Variants in PTPRD observed in about 807,000 individuals in gnomAD.
PTPRD encodes protein tyrosine phosphatase receptor type D.
Under a neutral mutation model 214.5 loss-of-function variants are expected in PTPRD, and 34 were observed. The ratio of observed to expected loss-of-function variants is 0.16; its 90% CI spans 0.12 to 0.21. PTPRD has a LOEUF of 0.21. Among genes scored for constraint, PTPRD ranks in the 10% least tolerant of loss-of-function variants. The probability of loss-of-function intolerance (pLI) is 1.00; values close to 1 mark genes in which losing one functional copy is unlikely to be tolerated. For missense variants in PTPRD, 2,545 were observed against 2,398.7 expected, an observed-to-expected ratio of 1.06 and a Z score of -1.27; for synonymous variants, 1,128 against 845.7, an observed-to-expected ratio of 1.33 and a Z score of -5.79.
intron 2 of PTPRD, among the ~76,000 whole-genome samples, chr9:10,472,217 T>C (rs990279299): frequency 2.6e-5 from 4 of 152,114 alleles, no homozygotes; most frequent in Admixed American, 6.6e-5. Flanking sequence ...ATAAAAGCAA[T>C]GTTTGACTTT....
chr9:10,293,978 ACAGATTTT>A (rs1383344309), intron 3 of PTPRD, among the ~76,000 whole-genome samples: 1 of 151,992 alleles, frequency 6.6e-6, no homozygotes, highest in Non-Finnish European at 1.5e-5. Context: ...TAAATGTGTG[ACAGATTTT>A]CACTGATTTT....
chr9:10,257,180 T>C (rs997790102), intron 3 of PTPRD, among the ~76,000 whole-genome samples: 1 of 152,230 alleles, frequency 6.6e-6, no homozygotes, highest in African/African-American at 2.4e-5. Context: ...ACTTAACATA[T>C]ACTGGTTTTA....
intron 7 of PTPRD, among the ~76,000 whole-genome samples, chr9:9,686,545 A>G (rs2097170320): frequency 6.6e-6 from 1 of 151,566 alleles, no homozygotes; most frequent in Admixed American, 6.6e-5. Context: ...CAGAAGTCCA[A>G]ACAGTGGTCA....
intron 2 of PTPRD, among the ~76,000 whole-genome samples, chr9:10,410,037 A>C (rs1242562680): frequency 6.6e-6 from 1 of 151,652 alleles, no homozygotes; most frequent in African/African-American, 2.4e-5. Flanking sequence ...TGTTGCATCA[A>C]GCCACGAATT....
At chr9:9,078,103 C>A (rs977569882) in intron 10 of PTPRD, among the ~76,000 whole-genome samples, 1 of 151,920 alleles carries the variant, frequency 6.6e-6, no homozygotes, top group South Asian at 2.1e-4. Flanking sequence ...CATTTGAGTC[C>A]TTGAAATCAA....
intron 10 of PTPRD, among the ~76,000 whole-genome samples, chr9:9,041,386 C>G (rs775086369): frequency 6.6e-6 from 1 of 152,058 alleles, no homozygotes; most frequent in Non-Finnish European, 1.5e-5. Context: ...CTCTGATAGG[C>G]TCCAGTGTGT....
intron 4 of PTPRD, among the ~76,000 whole-genome samples, chr9:9,956,319 T>C (rs1419199117): frequency 6.6e-6 from 1 of 151,530 alleles, no homozygotes; most frequent in Non-Finnish European, 1.5e-5. Context: ...TGGTGAGTGT[T>C]ATGAGACAAA....
intron 11 of PTPRD, among the ~76,000 whole-genome samples, chr9:8,838,266 C>A (rs1398471032): frequency 6.6e-6 from 1 of 151,110 alleles, no homozygotes; most frequent in African/African-American, 2.4e-5. Flanking sequence ...AAGAGTACTG[C>A]AAATACTTGG....
chr9:9,079,075 CCTT>C (rs1050334449), intron 10 of PTPRD, among the ~76,000 whole-genome samples: 15 of 152,020 alleles, frequency 9.9e-5, no homozygotes, highest in African/African-American at 3.6e-4. Flanking sequence ...TCAGTATTCT[CCTT>C]CTAGTTATTT....
intron 2 of PTPRD, among the ~76,000 whole-genome samples, chr9:10,583,095 G>A (rs1028264295): frequency 1.3e-5 from 2 of 152,330 alleles, no homozygotes; most frequent in Non-Finnish European, 1.5e-5. Flanking sequence ...CACACACAGA[G>A]GTGAAGAGTT....
intron 14 of PTPRD, among the ~76,000 whole-genome samples, chr9:8,600,698 C>A (rs2094803542): frequency 6.6e-6 from 1 of 151,684 alleles, no homozygotes; most frequent in African/African-American, 2.4e-5. Flanking sequence ...AGGACCCAGT[C>A]CAGGCAGAAT....
chr9:9,309,137 AT>A (rs1437014180), intron 9 of PTPRD, among the ~76,000 whole-genome samples: 5 of 152,076 alleles, frequency 3.3e-5, no homozygotes, highest in Non-Finnish European at 5.9e-5. Flanking sequence ...AAAAGATATT[AT>A]TTTATCATGA....
chr9:9,641,527 C>A (rs970260326), intron 7 of PTPRD, among the ~76,000 whole-genome samples: 1 of 152,098 alleles, frequency 6.6e-6, no homozygotes, highest in Non-Finnish European at 1.5e-5. Flanking sequence ...CAGGCCAGAT[C>A]TCACTGACAC....
intron 3 of PTPRD, among the ~76,000 whole-genome samples, chr9:10,042,409 A>G (rs979196646): frequency 2.0e-5 from 3 of 151,968 alleles, no homozygotes; most frequent in African/African-American, 7.2e-5. Flanking sequence ...GTAGCTCTAT[A>G]GAGCTGCAGA....
chr9:10,612,208 C>CAAAAAAAAAAAAAA (rs35311745), intron 2 of PTPRD, among the ~76,000 whole-genome samples, 190 bp downstream of exon 2: 1 of 126,762 alleles, frequency 7.9e-6, no homozygotes, highest in Non-Finnish European at 1.6e-5. Flanking sequence ...AGGGCTCTTC[C>CAAAAAAAAAAAAAA]AAAAAAAAAA....
Position 8,515,587 on chromosome 9 carries a change from G to C in PTPRD, c.1543+2261C>G, listed in dbSNP as rs540704883. The stretch of plus-strand genomic sequence containing the variant: ...CGTTATGACTGTGTACTAGTGAAAA[G>C]GGAAATTTGGGCATAGGCATGCTTT... On this transcript the variant is annotated intron_variant, in intron 21 of 45. Transcript: ENST00000381196. Among the ~76,000 whole-genome samples the C allele has an allele frequency of 3.3e-5, 5 of 152,248 alleles. No individual in the cohort carries two copies. The South Asian group carries it at 8.3e-4, about 25-fold the overall frequency.
Position 8,341,077 on chromosome 9 carries a change from C to CA in PTPRD, c.5126+12dup. ...TCAAGGCTTTGGATAGTCAGGGGAG[C>CA]AAAAGTAGATACCTGTATCCATCAA... On this transcript the variant is annotated intron_variant, in intron 41 of 45. Transcript: ENST00000381196. The CA allele has an allele frequency of 6.4e-7, 1 of 1,566,364 alleles. No homozygotes were observed. The highest frequency in any genetic ancestry group is 1.4e-5 in the African/African-American group (1 of 72,878).
chr9:10,182,840 C>T (rs376298935), intron 3 of PTPRD, among the ~76,000 whole-genome samples: 100 of 152,226 alleles, frequency 6.6e-4, no homozygotes, highest in African/African-American at 2.2e-3. Flanking sequence ...GTATGTATAT[C>T]ACCCAACAAT....
chr9:10,270,607 A>T (rs2094362921), intron 3 of PTPRD, among the ~76,000 whole-genome samples: 1 of 152,178 alleles, frequency 6.6e-6, no homozygotes, highest in Non-Finnish European at 1.5e-5. Flanking sequence ...TTTGATCTTC[A>T]ACTCCTTGGA....
Sources: gnomAD v4.1 joint callset for allele counts (sites outside exome capture counted in the v4.1 genomes callset) on GRCh38, gnomAD v4.1.1 for gene constraint, MANE v1.5 for transcripts, NCBI Gene and HGNC (gene_info 2026-07-23, HGNC 2026-07-21) for gene names.